Variants in PIK3C2A observed in about 807,000 individuals in gnomAD.
The protein encoded by PIK3C2A is phosphatidylinositol-4-phosphate 3-kinase catalytic subunit type 2 alpha, also known as phosphatidylinositol 4-phosphate 3-kinase C2 domain-containing subunit alpha.
A neutral mutation model predicts 204.5 loss-of-function variants in PIK3C2A; 97 were observed. The ratio of observed to expected loss-of-function variants is 0.47; its 90% CI spans 0.40 to 0.56. The LOEUF (loss-of-function observed/expected upper bound fraction) is 0.56. Ranked by LOEUF, PIK3C2A falls within the 20% of genes least tolerant of loss-of-function variation. PIK3C2A has a pLI of 0.00. For missense variants in PIK3C2A, 1,735 were observed against 1,969.2 expected, an observed-to-expected ratio of 0.88 and a Z score of 2.25; for synonymous variants, 653 against 664.4, an observed-to-expected ratio of 0.98 and a Z score of 0.26.
chr11:17,172,403 T>A (rs1169425353), intron 1 of PIK3C2A, among the ~76,000 whole-genome samples: 1 of 152,122 alleles, frequency 6.6e-6, no homozygotes, highest in Non-Finnish European at 1.5e-5. Context: ...CCACCAAACA[T>A]GTGAGTGAAG....
intron 1 of PIK3C2A, among the ~76,000 whole-genome samples, chr11:17,181,802 G>C (rs1426621671): frequency 6.6e-6 from 1 of 151,684 alleles, no homozygotes; most frequent in African/African-American, 2.4e-5. Context: ...ATTATCAAAA[G>C]TTAGAATAGC....
intron 1 of PIK3C2A, among the ~76,000 whole-genome samples, chr11:17,199,242 T>C (rs1591029001): frequency 6.6e-6 from 1 of 151,592 alleles, no homozygotes; most frequent in South Asian, 2.1e-4. Context: ...GTGGCAAGGG[T>C]GTAGAAAAAG....
intron 15 of PIK3C2A, among the ~76,000 whole-genome samples, chr11:17,120,515 C>T (rs960552069): frequency 1.8e-4 from 27 of 151,376 alleles, no homozygotes; most frequent in African/African-American, 5.3e-4. Flanking sequence ...TATATATATA[C>T]ATATACATGC....
At chr11:17,111,882 C>CAAAAAAAAAAAAAAAAAAAAACAAAAAA (rs201931743) in intron 21 of PIK3C2A, among the ~76,000 whole-genome samples, 1 of 31,434 alleles carries the variant, frequency 3.2e-5, no homozygotes, top group Non-Finnish European at 6.5e-5. Flanking sequence ...GTCTCCAAAA[C>CAAAAAAAAAAAAAAAAAAAAACAAAAAA]AAAAAAAAAA....
intron 2 of PIK3C2A, among the ~76,000 whole-genome samples, chr11:17,162,198 G>A (rs1447365897): frequency 1.3e-5 from 2 of 151,952 alleles, no homozygotes; most frequent in Non-Finnish European, 2.9e-5. Context: ...TTTGCCGGGT[G>A]TGGTGGCAGG....
At chr11:17,198,916 C>T (rs1591028575) in intron 1 of PIK3C2A, among the ~76,000 whole-genome samples, 1 of 151,982 alleles carries the variant, frequency 6.6e-6, no homozygotes, top group South Asian at 2.1e-4. Context: ...GTCAGCAATT[C>T]GAGACCAGCC....
chr11:17,206,684 CAA>C (rs1257171144), intron 1 of PIK3C2A, among the ~76,000 whole-genome samples: 3 of 151,992 alleles, frequency 2.0e-5, no homozygotes. Context: ...GGCAAAGGTA[CAA>C]AGTCTCTCCT....
chr11:17,199,611 A>C (rs1043278424), intron 1 of PIK3C2A, among the ~76,000 whole-genome samples: 2 of 152,242 alleles, frequency 1.3e-5, no homozygotes, highest in African/African-American at 4.8e-5. Context: ...ACACGATTCC[A>C]ATCACACGAA....
At chr11:17,189,812 CAAAAA>C (rs759869051) in intron 1 of PIK3C2A, among the ~76,000 whole-genome samples, 1 of 60,360 alleles carries the variant, frequency 1.7e-5, no homozygotes, top group Non-Finnish European at 3.5e-5. Context: ...GGCTCTGTCT[CAAAAA>C]AAAAAAAAAA....
At chr11:17,198,821 A>C (rs111924710) in intron 1 of PIK3C2A, among the ~76,000 whole-genome samples, 287 of 151,980 alleles carry the variant, frequency 1.9e-3, no homozygotes, top group Middle Eastern at 3.4e-3. Flanking sequence ...CAAAACAAAA[A>C]AAAAAAGCCA....
At chr11:17,098,683 G>C (rs1275337154) in intron 26 of PIK3C2A, among the ~76,000 whole-genome samples, 1 of 152,164 alleles carries the variant, frequency 6.6e-6, no homozygotes, top group Non-Finnish European at 1.5e-5. Flanking sequence ...ACAAAAGTCA[G>C]CTTCCTTCAA....
intron 1 of PIK3C2A, among the ~76,000 whole-genome samples, chr11:17,194,913 G>GAAA (rs36004617): frequency 9.7e-4 from 138 of 141,798 alleles, no homozygotes; most frequent in Middle Eastern, 3.7e-3. Context: ...CCATCTCGAA[G>GAAA]AAAAAAAAAA....
chr11:17,178,319 A>T (rs1425339458), intron 1 of PIK3C2A, among the ~76,000 whole-genome samples: 1 of 152,120 alleles, frequency 6.6e-6, no homozygotes, highest in Admixed American at 6.6e-5. Context: ...GTTACATTTC[A>T]AGTGCTCAGC....
intron 1 of PIK3C2A, among the ~76,000 whole-genome samples, chr11:17,205,888 A>G (rs1238574588): frequency 2.6e-5 from 4 of 152,244 alleles, no homozygotes; most frequent in African/African-American, 4.8e-5. Flanking sequence ...TGGGAGGCCA[A>G]GACGGGCAGA....
intron 1 of PIK3C2A, among the ~76,000 whole-genome samples, chr11:17,203,403 G>A (rs546857689): frequency 6.6e-6 from 1 of 151,850 alleles, no homozygotes; most frequent in East Asian, 1.9e-4. Context: ...ATACATAAAT[G>A]AACAAAATAA....
intron 1 of PIK3C2A, among the ~76,000 whole-genome samples, chr11:17,188,302 C>T (rs534362663): frequency 1.4e-5 from 2 of 146,232 alleles, no homozygotes; most frequent in East Asian, 3.9e-4. Context: ...TCATGCACCA[C>T]TACACTCCAA....
intron 4 of PIK3C2A, among the ~76,000 whole-genome samples, chr11:17,149,825 C>T (rs1156408935): frequency 1.3e-5 from 2 of 152,052 alleles, no homozygotes; most frequent in Admixed American, 6.6e-5. Context: ...TTTCAAAGGG[C>T]CTTCAAAAGT....
intron 2 of PIK3C2A, among the ~76,000 whole-genome samples, chr11:17,165,803 A>AAAGGG (rs1850928154): frequency 6.7e-6 from 1 of 149,930 alleles, no homozygotes; most frequent in Non-Finnish European, 1.5e-5. Context: ...AAAAAAAAAA[A>AAAGGG]AAAAAGGGAG....
chr11:17,178,109 A>AG (rs1357105351), intron 1 of PIK3C2A, among the ~76,000 whole-genome samples: 4 of 70,880 alleles, frequency 5.6e-5, no homozygotes, highest in Admixed American at 1.6e-4. Context: ...AAAAAAAAAA[A>AG]AAAGAAAAAA....
Sources: gnomAD v4.1 joint callset for allele counts (sites outside exome capture counted in the v4.1 genomes callset) on GRCh38, gnomAD v4.1.1 for gene constraint, MANE v1.5 for transcripts, NCBI Gene and HGNC (gene_info 2026-07-23, HGNC 2026-07-21) for gene names.